The following LRMDA variants were observed in gnomAD, a reference collection of about 807,000 sequenced individuals.
LRMDA encodes the protein leucine rich melanocyte differentiation associated.
In LRMDA, 18 loss-of-function variants were observed where a neutral mutation model predicts 29.8. That is an observed-to-expected ratio of 0.60 (90% confidence interval 0.42 to 0.90). The LOEUF (loss-of-function observed/expected upper bound fraction) is 0.90. LRMDA is among the 40% of genes least tolerant of loss of function. The pLI is 0.00. For missense variants in LRMDA, 273 were observed against 273.9 expected, an observed-to-expected ratio of 1.00 and a Z score of 0.02; for synonymous variants, 125 against 109.4, an observed-to-expected ratio of 1.14 and a Z score of -0.89.
chr10:76,366,082 T>C (rs1272704351), intron 6 of LRMDA, among the ~76,000 whole-genome samples: 2 of 152,226 alleles, frequency 1.3e-5, no homozygotes, highest in Non-Finnish European at 2.9e-5. Flanking sequence ...GGCTCTCTAT[T>C]CTGTTCCATT....
rs142915337 is a variant in LRMDA, at chr10:76,150,663, C to T, written c.516+91880C>T. On this transcript the variant is annotated intron_variant, in intron 5 of 6. Transcript: ENST00000611255. ...CTGTCTCAGTTTGTGGGCAGTCGAT[C>T]GAGCCTTGGGCCTTTGTCTTTGTTC... Among the ~76,000 whole-genome samples the T allele has an allele frequency of 2.2e-4, 33 of 152,266 alleles. No individual in the cohort carries two copies. In the East Asian group the frequency reaches 5.2e-3, roughly 24 times the overall value.
chr10:75,677,790 C>T (rs1354364127), intron 2 of LRMDA, among the ~76,000 whole-genome samples: 1 of 152,108 alleles, frequency 6.6e-6, no homozygotes, highest in Non-Finnish European at 1.5e-5. Flanking sequence ...GAGTTAAATC[C>T]TCCTCCTCAA....
intron 6 of LRMDA, chr10:76,437,622 T>A (rs1842258398): frequency 6.6e-6 from 1 of 152,168 alleles, no homozygotes. Flanking sequence ...CAGAATCCAG[T>A]GACATTCACA....
intron 2 of LRMDA, among the ~76,000 whole-genome samples, chr10:75,675,818 A>T (rs1397663460): frequency 6.6e-6 from 1 of 152,000 alleles, no homozygotes. Flanking sequence ...TTCATTTTGT[A>T]TAAGCCTCCT....
At chr10:76,426,729 G>GT in intron 6 of LRMDA, among the ~76,000 whole-genome samples, 1 of 152,250 alleles carries the variant, frequency 6.6e-6, no homozygotes, top group Admixed American at 6.5e-5. Context: ...GGTTTTTATG[G>GT]TTTTAGGTCT....
At position 76,547,145 on chromosome 10, in the gene LRMDA, A is replaced by T. The variant is rs151140125; in HGVS notation, c.602-10064A>T. On this transcript the variant is annotated intron_variant, in intron 6 of 6. Transcript: ENST00000611255. ...TTTTTACTTTTTTGACTGTCAAATGATGGCATATCTTTTTGAACTTTCATG... is the reference window on the plus strand; with the variant it reads ...TTTTTACTTTTTTGACTGTCAAATGTTGGCATATCTTTTTGAACTTTCATG... Among the ~76,000 whole-genome samples, 427 of 152,280 alleles carry T rather than the reference A, an allele frequency of 2.8e-3. 2 individuals are homozygous for T. The highest frequency in any genetic ancestry group is 9.6e-3 in the African/African-American group (399 of 41,544).
intron 3 of LRMDA, among the ~76,000 whole-genome samples, chr10:76,046,198 C>A (rs757513543): frequency 3.3e-5 from 5 of 152,174 alleles, no homozygotes; most frequent in Non-Finnish European, 7.4e-5. Flanking sequence ...CTAACCATCA[C>A]CTTACCTAGG....
Position 75,512,173 on chromosome 10 carries a change from C to A in LRMDA, c.131+73679C>A, listed in dbSNP as rs11816370. 8.1e-3 allele frequency among the ~76,000 whole-genome samples: 1,228 copies of A among 152,242 alleles called. 19 individuals are homozygous for A. The highest frequency in any genetic ancestry group is 0.029 in the African/African-American group (1,190 of 41,538). ...AAAAACAGGCAAAGCCAAGGTTGAA[C>A]GGGTCCTCAGAGCTATGACTTCCAC... is the stretch of plus-strand genomic sequence containing the variant. On this transcript the variant is annotated intron_variant, in intron 2 of 6. Transcript: ENST00000611255.
chr10:76,234,993 C>T (rs1015586299), intron 5 of LRMDA, among the ~76,000 whole-genome samples: 1 of 152,200 alleles, frequency 6.6e-6, no homozygotes, highest in Admixed American at 6.5e-5. Flanking sequence ...TTTGGCTAAT[C>T]GTTTGGTATA....
At chr10:76,369,619 C>T (rs548913996) in intron 6 of LRMDA, among the ~76,000 whole-genome samples, 2 of 152,164 alleles carry the variant, frequency 1.3e-5, no homozygotes, top group East Asian at 3.9e-4. Context: ...ATTAATTTCC[C>T]AGGTGTTCTT....
At chr10:76,485,592 C>T (rs1402070970) in intron 6 of LRMDA, among the ~76,000 whole-genome samples, 1 of 151,742 alleles carries the variant, frequency 6.6e-6, no homozygotes, top group Non-Finnish European at 1.5e-5. Context: ...TTTATTCTTT[C>T]CCCAACACTC....
chr10:76,356,413 C>T (rs532525724), intron 6 of LRMDA, among the ~76,000 whole-genome samples: 1 of 152,292 alleles, frequency 6.6e-6, no homozygotes, highest in Admixed American at 6.5e-5. Context: ...CAATGAGACC[C>T]CTGCTTAGTA....
At chr10:76,023,842 T>A (rs1848017325) in intron 2 of LRMDA, among the ~76,000 whole-genome samples, 1 of 152,252 alleles carries the variant, frequency 6.6e-6, no homozygotes, top group Non-Finnish European at 1.5e-5. Flanking sequence ...AACTAATTTC[T>A]TCCTTTGAAA....
chr10:76,547,451 A>G, intron 6 of LRMDA, among the ~76,000 whole-genome samples: 1 of 152,160 alleles, frequency 6.6e-6, no homozygotes, highest in Non-Finnish European at 1.5e-5. Flanking sequence ...TGGTGACCAA[A>G]AGCACAGTGT....
intron 2 of LRMDA, among the ~76,000 whole-genome samples, chr10:75,656,888 G>A (rs10762674): frequency 0.11 from 16,508 of 152,224 alleles, 2,015 homozygotes; most frequent in East Asian, 0.33. Context: ...CTAAGTGCAA[G>A]TTCATATATT....
In LRMDA at chr10:75,503,184, GT is replaced by G. The variant is rs577316418; in HGVS notation, c.131+64704del. 9.4e-3 allele frequency among the ~76,000 whole-genome samples: 1,357 copies of G among 144,424 alleles called. 6 individuals carry two copies. Among genetic ancestry groups the G allele is most frequent in the Middle Eastern group, 0.021 (6 of 280 alleles). 94.7% of individuals were successfully genotyped at this position (144,424 alleles called of 152,430 possible). A position where few individuals can be genotyped will look rare whatever the true frequency, so the allele number is the denominator to read the frequency against. The stretch of plus-strand genomic sequence containing the variant: ...GCTGCCCACTGTTAGTTGATAGCCT[GT>G]TTTTTTTTTTTTTATTATTACAGGT... On this transcript the variant is annotated intron_variant, in intron 2 of 6. Transcript: ENST00000611255.
chr10:76,458,790 AT>A, intron 6 of LRMDA, among the ~76,000 whole-genome samples: 1 of 152,094 alleles, frequency 6.6e-6, no homozygotes, highest in African/African-American at 2.4e-5. Flanking sequence ...TTTTATTCTG[AT>A]TTTTTAAGGA....
intron 2 of LRMDA, among the ~76,000 whole-genome samples, chr10:75,470,508 G>T (rs1844712962): frequency 6.6e-6 from 1 of 152,162 alleles, no homozygotes; most frequent in Non-Finnish European, 1.5e-5. Context: ...AGAAAACAAA[G>T]ACCCGTAAAG....
chr10:75,666,356 AC>A (rs1261837646), intron 2 of LRMDA, among the ~76,000 whole-genome samples: 1 of 151,880 alleles, frequency 6.6e-6, no homozygotes, highest in Non-Finnish European at 1.5e-5. Flanking sequence ...TTTGAAAAAA[AC>A]AAAAGCTAAT....
Sources: allele counts gnomAD v4.1 joint callset (sites outside exome capture counted in the v4.1 genomes callset), GRCh38; gene constraint gnomAD v4.1.1; transcripts MANE v1.5; gene names NCBI Gene and HGNC (gene_info 2026-07-23, HGNC 2026-07-21).